Variants in PAWR observed in about 807,000 individuals in gnomAD.
PAWR encodes PRKC apoptosis WT1 regulator protein.
Under a neutral mutation model 32.0 loss-of-function variants are expected in PAWR, and 23 were observed. The ratio of observed to expected loss-of-function variants is 0.72; its 90% CI spans 0.52 to 1.02. PAWR has a LOEUF of 1.02. PAWR is among the 50% of genes least tolerant of loss of function. PAWR has a pLI of 0.00. For synonymous variants in PAWR, 226 were observed against 187.1 expected, an observed-to-expected ratio of 1.21 and a Z score of -1.70; for missense variants, 457 against 437.7, an observed-to-expected ratio of 1.04 and a Z score of -0.39.
chr12:79,620,266 A>G (rs1207094713), intron 3 of PAWR, among the ~76,000 whole-genome samples: 1 of 152,240 alleles, frequency 6.6e-6, no homozygotes, highest in Non-Finnish European at 1.5e-5. Flanking sequence ...CAAATATTTT[A>G]AAAGGAAAAA....
chr12:79,638,076 A>G (rs1341246155), intron 2 of PAWR, among the ~76,000 whole-genome samples: 1 of 151,890 alleles, frequency 6.6e-6, no homozygotes, highest in African/African-American at 2.4e-5. Context: ...TTTTGTGTGT[A>G]TCTCTAATTT....
chr12:79,680,477 CAT>C (rs1486331626), intron 2 of PAWR, among the ~76,000 whole-genome samples: 1 of 152,192 alleles, frequency 6.6e-6, no homozygotes, highest in Non-Finnish European at 1.5e-5. Context: ...AAGCATTTAA[CAT>C]GTGTGAAACT....
At chr12:79,643,707 T>C (rs562775871) in intron 2 of PAWR, among the ~76,000 whole-genome samples, 2 of 152,262 alleles carry the variant, frequency 1.3e-5, no homozygotes, top group Non-Finnish European at 2.9e-5. Context: ...TGCAGTTTAT[T>C]TATATTCGTG....
At chr12:79,639,944 G>A (rs989271533) in intron 2 of PAWR, among the ~76,000 whole-genome samples, 2 of 137,784 alleles carry the variant, frequency 1.5e-5, no homozygotes, top group Non-Finnish European at 3.0e-5. Flanking sequence ...TCACTCTATC[G>A]CCCAGGCTGG....
In PAWR at chr12:79,674,294, A is replaced by G. The variant is rs2136862525; in HGVS notation, c.516+15435T>C. On this transcript the variant is annotated intron_variant, in intron 2 of 6. Coordinates refer to ENST00000328827, the MANE Select transcript of PAWR (RefSeq NM_002583.4). ...TCTTTGACAAAGCCAACAAACAAGC[A>G]AAGGAGAAAGGACTCCTTATTCAAT... Among the ~76,000 whole-genome samples the G allele has an allele frequency of 2.6e-5, 4 of 152,268 alleles. No homozygotes were observed. The South Asian group carries it at 8.3e-4, about 32-fold the overall frequency.
At chr12:79,617,364 C>CA (rs1220452444) in intron 3 of PAWR, among the ~76,000 whole-genome samples, 3 of 151,566 alleles carry the variant, frequency 2.0e-5, no homozygotes, top group South Asian at 2.1e-4. Flanking sequence ...AAAACAACAA[C>CA]AAAAAAAACT....
intron 2 of PAWR, among the ~76,000 whole-genome samples, chr12:79,676,505 A>G (rs545299086): frequency 3.5e-4 from 54 of 152,304 alleles, no homozygotes; most frequent in African/African-American, 1.2e-3. Flanking sequence ...TTTCACACAC[A>G]GTATCTTCCC....
chr12:79,594,466 A>G (rs1219952821), intron 5 of PAWR, 33 bp from the exon 6 acceptor site: 4 of 1,008,942 alleles, frequency 4.0e-6, no homozygotes. Context: ...AGTAATTAGG[A>G]AGTAATTGTT....
At chr12:79,684,288 G>A (rs1359632821) in intron 2 of PAWR, among the ~76,000 whole-genome samples, 1 of 151,596 alleles carries the variant, frequency 6.6e-6, no homozygotes, top group African/African-American at 2.4e-5. Flanking sequence ...CACATCATAG[G>A]TGCTAAAAAA....
chr12:79,684,408 T>C (rs1286897510), intron 2 of PAWR, among the ~76,000 whole-genome samples: 1 of 151,970 alleles, frequency 6.6e-6, no homozygotes, highest in Non-Finnish European at 1.5e-5. Context: ...GCTGGAAGTT[T>C]GAGAGCAGCC....
At chr12:79,603,667 ATTTTTTTTTTTTTT>A (rs899732732) in intron 4 of PAWR, 60 of 97,900 alleles carry the variant, frequency 6.1e-4, no homozygotes, top group African/African-American at 2.2e-3. Flanking sequence ...TCATTATGCT[ATTTTTTTTTTTTTT>A]TTTTTTTTTT....
chr12:79,627,843 C>CCA (rs1875417640), intron 2 of PAWR, among the ~76,000 whole-genome samples: 1 of 152,006 alleles, frequency 6.6e-6, no homozygotes. Flanking sequence ...ACTTAGACTC[C>CCA]CACACAATAA....
intron 2 of PAWR, among the ~76,000 whole-genome samples, chr12:79,680,536 T>C (rs2136879901): frequency 6.6e-6 from 1 of 152,264 alleles, no homozygotes; most frequent in South Asian, 2.1e-4. Context: ...ATTGACAAAG[T>C]TTTTGAGTGT....
intron 2 of PAWR, among the ~76,000 whole-genome samples, chr12:79,657,607 C>T (rs1339911804): frequency 1.3e-5 from 2 of 151,906 alleles, no homozygotes; most frequent in Non-Finnish European, 2.9e-5. Context: ...TTGGCTAACA[C>T]GGTGAAACCC....
intron 2 of PAWR, among the ~76,000 whole-genome samples, chr12:79,637,906 A>G (rs1876042107): frequency 6.6e-6 from 1 of 152,104 alleles, no homozygotes; most frequent in Non-Finnish European, 1.5e-5. Context: ...TTTAAATTCA[A>G]ATAGTTGTGG....
chr12:79,664,176 C>T (rs1050826036), intron 2 of PAWR, among the ~76,000 whole-genome samples: 14 of 152,046 alleles, frequency 9.2e-5, no homozygotes, highest in Non-Finnish European at 1.8e-4. Context: ...TAAATATCCT[C>T]GAGACAGTCA....
chr12:79,600,430 G>A (rs964626351), intron 4 of PAWR, among the ~76,000 whole-genome samples: 44 of 150,938 alleles, frequency 2.9e-4, no homozygotes, highest in African/African-American at 1.0e-3. Flanking sequence ...ACGAGAAGAA[G>A]TGTGATTAAA....
intron 2 of PAWR, among the ~76,000 whole-genome samples, chr12:79,632,712 A>T (rs911995645): frequency 3.3e-5 from 5 of 152,070 alleles, no homozygotes; most frequent in South Asian, 4.1e-4. Context: ...TGAAGATTCA[A>T]CTGGGAAAGG....
chr12:79,596,223 A>C (rs530533750), intron 5 of PAWR, among the ~76,000 whole-genome samples: 1 of 152,196 alleles, frequency 6.6e-6, no homozygotes, highest in Non-Finnish European at 1.5e-5. Context: ...AATTGTTTCA[A>C]ACACCAAAGA....
Sources: allele counts gnomAD v4.1 joint callset (sites outside exome capture counted in the v4.1 genomes callset), GRCh38; gene constraint gnomAD v4.1.1; transcripts MANE v1.5; gene names NCBI Gene and HGNC (gene_info 2026-07-23, HGNC 2026-07-21).